The following PCMTD1 variants were observed in gnomAD, a reference collection of about 807,000 sequenced individuals.
PCMTD1 encodes protein-L-isoaspartate O-methyltransferase domain-containing protein 1.
Under a neutral mutation model 37.6 loss-of-function variants are expected in PCMTD1, and 12 were observed. The observed-to-expected ratio is 0.32, with a 90% confidence interval of 0.20 to 0.52. The LOEUF is 0.52. Ranked by LOEUF, PCMTD1 falls within the 20% of genes least tolerant of loss-of-function variation. The pLI is 0.97. For synonymous variants in PCMTD1, 117 were observed against 135.8 expected (o/e 0.86, Z 0.96); for missense variants, 235 against 421.3 (o/e 0.56, Z 3.87).
At chr8:51,845,463 T>G in intron 3 of PCMTD1, 198 bp downstream of exon 3, 1 of 410,838 alleles carries the variant, frequency 2.4e-6, no homozygotes, top group Non-Finnish European at 4.4e-6. Flanking sequence ...AAAATCACAT[T>G]ATTTATAATT....
intron 3 of PCMTD1, chr8:51,839,708 G>T: frequency 1.4e-6 from 1 of 696,704 alleles, no homozygotes; most frequent in Non-Finnish European, 1.8e-6. Flanking sequence ...TGCACACCTA[G>T]TTTATCACGT....
intron 3 of PCMTD1, chr8:51,839,432 AT>A: frequency 1.0e-6 from 1 of 984,918 alleles, no homozygotes; most frequent in Non-Finnish European, 1.2e-6. Flanking sequence ...TAACACCAGG[AT>A]TCTAATCACT....
intron 1 of PCMTD1, among the ~76,000 whole-genome samples, chr8:51,891,399 G>GA (rs144342464): frequency 0.015 from 2,334 of 151,776 alleles, 58 homozygotes; most frequent in African/African-American, 0.052. Context: ...AAAAATGAAA[G>GA]AAAAAAACAA....
intron 5 of PCMTD1, among the ~76,000 whole-genome samples, chr8:51,823,566 G>A (rs995365850): frequency 2.0e-5 from 3 of 152,066 alleles, no homozygotes; most frequent in African/African-American, 4.8e-5. Flanking sequence ...ATTCCTTAAC[G>A]GTCTCATTTC....
Position 51,899,029 on chromosome 8 carries a change from C to T in PCMTD1, c.-195G>A, listed in dbSNP as rs1315868290. On this transcript the variant is annotated 5_prime_UTR_variant, in exon 1 of 6. Transcript: ENST00000522514. The stretch of plus-strand genomic sequence containing the variant: ...ACCACAATAACAACACGGACGCCAC[C>T]GCCGAGTGGAGAGGCGGGGCCCGGA... 57 of 1,511,832 alleles carry T rather than the reference C, an allele frequency of 3.8e-5. No individual in the cohort carries two copies. Among genetic ancestry groups the T allele is most frequent in the Non-Finnish European group, 5.0e-5 (57 of 1,136,988 alleles). 93.7% of individuals were successfully genotyped at this position (1,511,832 alleles called of 1,614,324 possible). A position where few individuals can be genotyped will look rare whatever the true frequency, so the allele number is the denominator to read the frequency against.
chr8:51,876,524 G>T (rs950855130), intron 1 of PCMTD1, among the ~76,000 whole-genome samples: 2 of 152,164 alleles, frequency 1.3e-5, no homozygotes, highest in Non-Finnish European at 2.9e-5. Context: ...CCCAGAGCTG[G>T]GTTTCTAAAT....
At chr8:51,890,949 A>T (rs2038927543) in intron 1 of PCMTD1, among the ~76,000 whole-genome samples, 2 of 152,220 alleles carry the variant, frequency 1.3e-5, no homozygotes. Flanking sequence ...TGGTGTTTTC[A>T]TTAACACAGA....
intron 1 of PCMTD1, among the ~76,000 whole-genome samples, chr8:51,879,788 T>C (rs778750448): frequency 1.2e-4 from 19 of 152,096 alleles, no homozygotes; most frequent in Non-Finnish European, 2.1e-4. Flanking sequence ...AACATCAAAA[T>C]ACAAAAACCA....
At chr8:51,821,665 T>C (rs1168420068) in intron 5 of PCMTD1, among the ~76,000 whole-genome samples, 3 of 151,024 alleles carry the variant, frequency 2.0e-5, no homozygotes, top group African/African-American at 7.4e-5. Context: ...AAATCAATTA[T>C]AAAGAAGAAA....
chr8:51,822,576 C>T (rs2037864517), intron 5 of PCMTD1, among the ~76,000 whole-genome samples: 1 of 152,210 alleles, frequency 6.6e-6, no homozygotes, highest in Admixed American at 6.5e-5. Context: ...TTATACTCGT[C>T]ACCATTTTCA....
chr8:51,839,525 G>A lies in PCMTD1; in HGVS notation c.411-5836C>T, dbSNP rs1005753443. On this transcript the variant is annotated intron_variant, in intron 3 of 5. Transcript: ENST00000522514. Reference sequence around the variant, plus strand: ...GGACAGATGATTTCGTTCACAGCAGGGACCTTGCCAACTTGCCCATATAAT... The same window carrying A: ...GGACAGATGATTTCGTTCACAGCAGAGACCTTGCCAACTTGCCCATATAAT... 5.1e-6 allele frequency: 5 copies of A among 985,198 alleles called. No individual in the cohort carries two copies. In the African/African-American group the frequency reaches 8.7e-5, roughly 17 times the overall value. 61.0% of individuals were successfully genotyped at this position (985,198 alleles called of 1,614,324 possible).
intron 1 of PCMTD1, among the ~76,000 whole-genome samples, chr8:51,865,045 G>A (rs1386353359): frequency 6.6e-6 from 1 of 152,100 alleles, no homozygotes; most frequent in Non-Finnish European, 1.5e-5. Flanking sequence ...AGGGTCATAA[G>A]AGACTATGAA....
chr8:51,842,029 T>C (rs1054513434), intron 3 of PCMTD1, among the ~76,000 whole-genome samples: 1 of 103,460 alleles, frequency 9.7e-6, no homozygotes, highest in Admixed American at 1.1e-4. Context: ...ATTTACTAAC[T>C]GGGATTTGTG....
chr8:51,860,917 G>T lies in PCMTD1; in HGVS notation c.235C>A (p.Gln79Lys). 1 of 1,614,078 alleles carries T rather than the reference G, an allele frequency of 6.2e-7. No homozygotes were observed. The highest frequency in any genetic ancestry group is 8.5e-7 in the Non-Finnish European group (1 of 1,179,960). Residue 79 changes from glutamine to lysine, a missense_variant, in exon 2 of 6, where the codon CAA (glutamine) becomes AAA (lysine). Gln to Lys is a moderately conservative substitution (Grantham distance 53). Transcript: ENST00000522514. ...YSEVMEALKL[Q>K]PGLSFLNLGS... ...AGGTTAAGAAAAGACAATCCTGGTT[G>T]AAGTTTCAATGCTTCCATAACTTCA...
At chr8:51,878,733 A>T (rs1035333829) in intron 1 of PCMTD1, among the ~76,000 whole-genome samples, 15 of 152,228 alleles carry the variant, frequency 9.9e-5, no homozygotes, top group African/African-American at 3.6e-4. Context: ...TGGATGATAG[A>T]GTGAAACCCT....
intron 3 of PCMTD1, 103 bp downstream of exon 3, chr8:51,845,558 A>G (rs1053273147): frequency 2.8e-6 from 2 of 725,800 alleles, no homozygotes; most frequent in Non-Finnish European, 4.5e-6. Flanking sequence ...TTTTTGCTGC[A>G]TTCAATTGAG....
chr8:51,873,640 G>A (rs944084471), intron 1 of PCMTD1, among the ~76,000 whole-genome samples: 1 of 152,044 alleles, frequency 6.6e-6, no homozygotes, highest in Admixed American at 6.6e-5. Flanking sequence ...CTGTCTTGGT[G>A]CTGTCCTCAT....
chr8:51,853,753 TG>T (rs1318947551), intron 2 of PCMTD1, among the ~76,000 whole-genome samples: 2 of 152,054 alleles, frequency 1.3e-5, no homozygotes, highest in Non-Finnish European at 2.9e-5. Context: ...TTGCCAGAAT[TG>T]GGATTCAAGC....
chr8:51,842,908 A>G (rs1012865867), intron 3 of PCMTD1, among the ~76,000 whole-genome samples: 23 of 152,174 alleles, frequency 1.5e-4, no homozygotes, highest in Non-Finnish European at 2.5e-4. Context: ...TCTGGTACTA[A>G]GGAATATACA....
Sources: gnomAD v4.1 joint callset for allele counts (sites outside exome capture counted in the v4.1 genomes callset) on GRCh38, gnomAD v4.1.1 for gene constraint, MANE v1.5 for transcripts, NCBI Gene and HGNC (gene_info 2026-07-23, HGNC 2026-07-21) for gene names.